The following RCAN2 variants were observed in gnomAD, a reference collection of about 807,000 sequenced individuals.
RCAN2 encodes calcipressin-2.
A neutral mutation model predicts 23.6 loss-of-function variants in RCAN2; 9 were observed. That is an observed-to-expected ratio of 0.38 (90% CI 0.23 to 0.67). The LOEUF (loss-of-function observed/expected upper bound fraction) is 0.67. Among genes scored for constraint, RCAN2 ranks in the 30% least tolerant of loss-of-function variants. RCAN2 has a pLI of 0.51. For synonymous variants in RCAN2, 109 were observed against 115.7 expected (o/e 0.94, Z 0.37); for missense variants, 273 against 302.3 (o/e 0.90, Z 0.72).
chr6:46,348,575 T>C (rs1331974204), intron 2 of RCAN2, among the ~76,000 whole-genome samples: 1 of 152,192 alleles, frequency 6.6e-6, no homozygotes, highest in Admixed American at 6.5e-5. Flanking sequence ...TCTATGGGAA[T>C]CAGGGTTCAG....
intron 2 of RCAN2, among the ~76,000 whole-genome samples, chr6:46,368,414 C>T (rs1042571390): frequency 6.6e-6 from 1 of 152,172 alleles, no homozygotes; most frequent in Non-Finnish European, 1.5e-5. Flanking sequence ...CACCCCTTTC[C>T]CCACCAGCAT....
intron 2 of RCAN2, among the ~76,000 whole-genome samples, chr6:46,293,591 T>C (rs995313870): frequency 6.6e-6 from 1 of 152,208 alleles, no homozygotes; most frequent in African/African-American, 2.4e-5. Context: ...CAGTTATTTT[T>C]AGCTGAAGAA....
chr6:46,244,405 T>A (rs1582024098), intron 4 of RCAN2, among the ~76,000 whole-genome samples: 1 of 152,096 alleles, frequency 6.6e-6, no homozygotes, highest in Non-Finnish European at 1.5e-5. Flanking sequence ...CCTCCATCAG[T>A]CCCAAGTCAC....
At position 46,380,670 on chromosome 6, in the gene RCAN2, C is replaced by G. The variant is rs113554974; in HGVS notation, c.225+76082G>C. On this transcript the variant is annotated intron_variant, in intron 2 of 4. Transcript: ENST00000371374. ...GAGGAGTTCAAGCATAAACACTGGT[C>G]TAGGACTAAAGAAACCTGAGTCCTA... 8.4e-4 allele frequency among the ~76,000 whole-genome samples: 128 copies of G among 152,284 alleles called. 1 individual carries two copies. In the Middle Eastern group the frequency reaches 0.014, roughly 16 times the overall value.
At chr6:46,369,266 G>T (rs1198346254) in intron 2 of RCAN2, among the ~76,000 whole-genome samples, 2 of 152,068 alleles carry the variant, frequency 1.3e-5, no homozygotes, top group African/African-American at 4.8e-5. Context: ...AATACCTCCT[G>T]AAGGACCTGC....
At position 46,348,570 on chromosome 6, in the gene RCAN2, G is replaced by A. The variant is rs142122401; in HGVS notation, c.226-99674C>T. On this transcript the variant is annotated intron_variant, in intron 2 of 4. Transcript: ENST00000371374. ...CTGGAGCCCTGATCATTCTGTCTATGGGAATCAGGGTTCAGGCTCAGGCTC... is the reference window on the plus strand; with the variant it reads ...CTGGAGCCCTGATCATTCTGTCTATAGGAATCAGGGTTCAGGCTCAGGCTC... Among the ~76,000 whole-genome samples, 822 of 152,222 alleles carry A rather than the reference G, an allele frequency of 5.4e-3. 7 individuals carry two copies. Among genetic ancestry groups the A allele is most frequent in the Middle Eastern group, 0.01 (3 of 292 alleles).
chr6:46,356,002 AG>A (rs1419994648), intron 2 of RCAN2, among the ~76,000 whole-genome samples: 1 of 152,178 alleles, frequency 6.6e-6, no homozygotes, highest in African/African-American at 2.4e-5. Context: ...TTGCTCAGCA[AG>A]GGGGAGGATA....
At chr6:46,290,366 C>A (rs577494951) in intron 2 of RCAN2, among the ~76,000 whole-genome samples, 1 of 152,198 alleles carries the variant, frequency 6.6e-6, no homozygotes, top group East Asian at 1.9e-4. Context: ...CATCATAAAA[C>A]AGGGATGAGA....
intron 2 of RCAN2, among the ~76,000 whole-genome samples, chr6:46,416,901 T>C (rs73454934): frequency 0.049 from 7,470 of 152,272 alleles, 352 homozygotes; most frequent in South Asian, 0.14. Flanking sequence ...ATTATAGAAC[T>C]GAGATTATAA....
In RCAN2 at chr6:46,432,427, G is replaced by A. The variant is rs559701093; in HGVS notation, c.225+24325C>T. On this transcript the variant is annotated intron_variant, in intron 2 of 4. Transcript: ENST00000371374. ...GGAGTTTCTCCATGTTGGCCAGGCT[G>A]GTCTCGAACTCCTGATCTCAGGTGA... Among the ~76,000 whole-genome samples the A allele has an allele frequency of 7.8e-4, 118 of 152,146 alleles. 1 individual carries two copies. In the Middle Eastern group the frequency reaches 0.014, roughly 18 times the overall value.
chr6:46,391,951 G>A (rs1461622117), intron 2 of RCAN2, among the ~76,000 whole-genome samples: 1 of 152,164 alleles, frequency 6.6e-6, no homozygotes. Context: ...GCTGTCAATA[G>A]GCTAAATAAT....
chr6:46,297,886 A>T (rs752389191), intron 2 of RCAN2, among the ~76,000 whole-genome samples: 1 of 152,136 alleles, frequency 6.6e-6, no homozygotes, highest in Non-Finnish European at 1.5e-5. Context: ...AGAGAGAACG[A>T]GAAGGAAAAG....
At chr6:46,277,163 A>G (rs1011562367) in intron 2 of RCAN2, among the ~76,000 whole-genome samples, 1 of 152,186 alleles carries the variant, frequency 6.6e-6, no homozygotes, top group Non-Finnish European at 1.5e-5. Context: ...CAAGTCTTTC[A>G]TTGTTTCATT....
At chr6:46,422,077 GTGT>G (rs1415133175) in intron 2 of RCAN2, among the ~76,000 whole-genome samples, 4 of 152,174 alleles carry the variant, frequency 2.6e-5, no homozygotes, top group Non-Finnish European at 5.9e-5. Flanking sequence ...CTGATCCCCA[GTGT>G]TGGAGGTGGG....
intron 1 of RCAN2, among the ~76,000 whole-genome samples, chr6:46,473,044 C>T (rs931639975): frequency 6.6e-6 from 1 of 152,122 alleles, no homozygotes; most frequent in African/African-American, 2.4e-5. Context: ...ATTTAAGTGA[C>T]AATGTGATTT....
At chr6:46,350,374 C>T (rs1289901130) in intron 2 of RCAN2, among the ~76,000 whole-genome samples, 2 of 152,152 alleles carry the variant, frequency 1.3e-5, no homozygotes, top group Non-Finnish European at 2.9e-5. Context: ...AGCAGGTGAG[C>T]AGGCTGGATA....
chr6:46,320,905 A>G (rs1477649494), intron 2 of RCAN2, among the ~76,000 whole-genome samples: 1 of 152,220 alleles, frequency 6.6e-6, no homozygotes, highest in African/African-American at 2.4e-5. Flanking sequence ...CCTTAAAAAA[A>G]TAAATTATAG....
intron 2 of RCAN2, among the ~76,000 whole-genome samples, chr6:46,431,348 G>A (rs1006970541): frequency 1.3e-5 from 2 of 152,072 alleles, no homozygotes; most frequent in Non-Finnish European, 1.5e-5. Context: ...TGGGATTACA[G>A]GTGTGAGCCA....
At chr6:46,294,085 T>C (rs1373436606) in intron 2 of RCAN2, among the ~76,000 whole-genome samples, 2 of 152,154 alleles carry the variant, frequency 1.3e-5, no homozygotes, top group Non-Finnish European at 1.5e-5. Context: ...CTGAGAGTTA[T>C]AGGGAATGAT....
Sources: allele counts gnomAD v4.1 joint callset (sites outside exome capture counted in the v4.1 genomes callset), GRCh38; gene constraint gnomAD v4.1.1; transcripts MANE v1.5; gene names NCBI Gene and HGNC (gene_info 2026-07-23, HGNC 2026-07-21).